MTUS2: variants seen among roughly 807,000 people sequenced by gnomAD.
MTUS2 encodes the protein microtubule associated scaffold protein 2, also known as microtubule-associated tumor suppressor candidate 2.
A neutral mutation model predicts 114.1 loss-of-function variants in MTUS2; 40 were observed. That is an observed-to-expected ratio of 0.35 (90% confidence interval 0.27 to 0.46). The LOEUF is 0.46. MTUS2 is among the 20% of genes least tolerant of loss of function. The pLI is 1.00. For synonymous variants in MTUS2, 688 were observed against 672.0 expected, an observed-to-expected ratio of 1.02 and a Z score of -0.37; for missense variants, 1,679 against 1,705.4, an observed-to-expected ratio of 0.98 and a Z score of 0.27.
At chr13:29,089,387 CT>C (rs1386899445) in intron 4 of MTUS2, among the ~76,000 whole-genome samples, 7 of 152,104 alleles carry the variant, frequency 4.6e-5, no homozygotes, top group African/African-American at 9.7e-5. Context: ...ACTTTAAGGT[CT>C]TTTCTTTCAT....
intron 2 of MTUS2, among the ~76,000 whole-genome samples, chr13:28,902,457 G>A: frequency 6.6e-6 from 1 of 152,036 alleles, no homozygotes. Flanking sequence ...AATGTCCCCT[G>A]TAGGTTTTTT....
At chr13:29,479,564 C>T (rs1449244962) in intron 9 of MTUS2, among the ~76,000 whole-genome samples, 1 of 152,192 alleles carries the variant, frequency 6.6e-6, no homozygotes, top group African/African-American at 2.4e-5. Context: ...TTCAGGGTAC[C>T]TGAAAGGAAA....
chr13:29,314,740 AT>A (rs1899916172), intron 6 of MTUS2, among the ~76,000 whole-genome samples: 1 of 152,182 alleles, frequency 6.6e-6, no homozygotes, highest in Non-Finnish European at 1.5e-5. Flanking sequence ...ACCTTGCAGA[AT>A]GACCTTTCAG....
At chr13:29,309,956 C>CA (rs1259457379) in intron 6 of MTUS2, among the ~76,000 whole-genome samples, 1 of 152,042 alleles carries the variant, frequency 6.6e-6, no homozygotes, top group South Asian at 2.1e-4. Flanking sequence ...TTTAAATATA[C>CA]AAAAAATTAT....
At chr13:29,213,865 C>G (rs550216898) in intron 5 of MTUS2, among the ~76,000 whole-genome samples, 53 of 152,112 alleles carry the variant, frequency 3.5e-4, no homozygotes, top group African/African-American at 1.3e-3. Context: ...TCTATTCAAC[C>G]CACATGTTCT....
chr13:29,037,946 T>C (rs1254644828), intron 4 of MTUS2, among the ~76,000 whole-genome samples: 1 of 152,236 alleles, frequency 6.6e-6, no homozygotes, highest in African/African-American at 2.4e-5. Context: ...TTCCTTGCAT[T>C]GGGTTAGAAC....
At chr13:28,956,343 C>T (rs977963798) in intron 2 of MTUS2, among the ~76,000 whole-genome samples, 2 of 152,094 alleles carry the variant, frequency 1.3e-5, no homozygotes, top group East Asian at 1.9e-4. Context: ...TTAAGGTTCT[C>T]GCCTGCCACA....
chr13:28,830,285 G>A (rs980987881), intron 1 of MTUS2, among the ~76,000 whole-genome samples: 4 of 151,932 alleles, frequency 2.6e-5, no homozygotes, highest in African/African-American at 9.6e-5. Context: ...GGCCATAACA[G>A]GAAAAACAAA....
intron 8 of MTUS2, among the ~76,000 whole-genome samples, chr13:29,362,215 C>T (rs1407462379): frequency 6.6e-6 from 1 of 152,178 alleles, no homozygotes; most frequent in African/African-American, 2.4e-5. Flanking sequence ...AAACTCCTGG[C>T]CTCAAGTGAT....
intron 2 of MTUS2, among the ~76,000 whole-genome samples, chr13:28,907,911 C>G (rs1002228432): frequency 1.3e-5 from 2 of 151,542 alleles, no homozygotes; most frequent in African/African-American, 4.9e-5. Context: ...TCCTTCTGGT[C>G]TCCATGGTTT....
At chr13:28,961,465 A>T (rs565928311) in intron 2 of MTUS2, among the ~76,000 whole-genome samples, 1 of 152,136 alleles carries the variant, frequency 6.6e-6, no homozygotes, top group Non-Finnish European at 1.5e-5. Flanking sequence ...GAGCAGAGCA[A>T]AGTGAAACCT....
At chr13:28,874,317 G>A (rs1450608100) in intron 2 of MTUS2, among the ~76,000 whole-genome samples, 1 of 152,078 alleles carries the variant, frequency 6.6e-6, no homozygotes, top group Non-Finnish European at 1.5e-5. Context: ...TTCATTTTTA[G>A]CCATCTTTCA....
intron 2 of MTUS2, among the ~76,000 whole-genome samples, chr13:28,899,790 A>G (rs903419653): frequency 2.6e-5 from 4 of 152,058 alleles, no homozygotes; most frequent in African/African-American, 9.7e-5. Context: ...CTTCTACCAC[A>G]TGGCTGCACT....
intron 2 of MTUS2, among the ~76,000 whole-genome samples, chr13:28,965,556 A>C (rs1050825793): frequency 2.0e-5 from 3 of 152,222 alleles, no homozygotes; most frequent in Non-Finnish European, 4.4e-5. Flanking sequence ...TCATGGAGCA[A>C]ATAGAATGTA....
In MTUS2 at chr13:28,826,122, A is replaced by G. The variant is rs377466530; in HGVS notation, c.-316+5511A>G. ...ATTACATATAACCAATAATTGATAT[A>G]TAGAAAGCTATTCTAAAATGTAATG... is the stretch of plus-strand genomic sequence containing the variant. On this transcript the variant is annotated intron_variant, in intron 1 of 15. Transcript: ENST00000612955. 7.2e-5 allele frequency among the ~76,000 whole-genome samples: 11 copies of G among 152,236 alleles called. No individual in the cohort carries two copies. The East Asian group carries it at 7.7e-4, about 11-fold the overall frequency.
intron 4 of MTUS2, among the ~76,000 whole-genome samples, chr13:29,066,775 A>T (rs1178023925): frequency 6.6e-6 from 1 of 152,280 alleles, no homozygotes; most frequent in Non-Finnish European, 1.5e-5. Context: ...ATATAAAGAG[A>T]TAAATCAGTA....
rs533348778 is a variant in MTUS2, at chr13:28,895,621, G to A, written c.-243+55771G>A. 3.6e-4 allele frequency among the ~76,000 whole-genome samples: 55 copies of A among 152,206 alleles called. 2 individuals carry two copies. In the South Asian group the frequency reaches 9.6e-3, roughly 26 times the overall value. ...TTGTGCCCTTAAAATATGGTTGACC[G>A]TCTGTAGGTCCATGAAGATGAGTAT... On this transcript the variant is annotated intron_variant, in intron 2 of 15. Coordinates refer to ENST00000612955, the MANE Select transcript of MTUS2 (RefSeq NM_001033602.4).
chr13:29,057,405 T>C (rs1888186417), intron 4 of MTUS2, among the ~76,000 whole-genome samples: 1 of 152,176 alleles, frequency 6.6e-6, no homozygotes, highest in Admixed American at 6.5e-5. Context: ...TATTTAAGTC[T>C]CCCACTATTA....
intron 2 of MTUS2, among the ~76,000 whole-genome samples, chr13:29,014,451 A>C (rs963325123): frequency 2.6e-5 from 4 of 152,228 alleles, no homozygotes. Flanking sequence ...CCTGCAGTGC[A>C]TGGAGTACTA....
Sources: gnomAD v4.1 joint callset for allele counts (sites outside exome capture counted in the v4.1 genomes callset) on GRCh38, gnomAD v4.1.1 for gene constraint, MANE v1.5 for transcripts, NCBI Gene and HGNC (gene_info 2026-07-23, HGNC 2026-07-21) for gene names.